Variants in RGS8 observed in about 807,000 individuals in gnomAD.
RGS8 encodes the protein regulator of G protein signaling 8, also known as regulator of G-protein signaling 8.
In RGS8, 8 loss-of-function variants were observed where a neutral mutation model predicts 21.7. That is an observed-to-expected ratio of 0.37 (90% CI 0.22 to 0.66). The LOEUF is 0.66. RGS8 is among the 30% of genes least tolerant of loss of function. The pLI is 0.59. For synonymous variants in RGS8, 80 were observed against 83.6 expected, an observed-to-expected ratio of 0.96 and a Z score of 0.24; for missense variants, 157 against 217.9, an observed-to-expected ratio of 0.72 and a Z score of 1.76.
At chr1:182,689,265 A>T (rs1313796844), upstream of RGS8, among the ~76,000 whole-genome samples, 3 of 36,828 alleles carry the variant, frequency 8.1e-5, no homozygotes, top group East Asian at 2.2e-3. Flanking sequence ...ACACACACAG[A>T]CACACACACA....
At chr1:182,679,178 C>A (rs1664462575) in intron 1 of RGS8, among the ~76,000 whole-genome samples, 1 of 152,026 alleles carries the variant, frequency 6.6e-6, no homozygotes, top group Admixed American at 6.6e-5. Flanking sequence ...TGGGAAACAC[C>A]CTTGGGTGTT....
upstream of RGS8, among the ~76,000 whole-genome samples, chr1:182,675,970 G>GA (rs111719829): frequency 1.3e-3 from 201 of 151,358 alleles, no homozygotes; most frequent in African/African-American, 4.5e-3. Context: ...TTGAGTTCGT[G>GA]AAAAAAAAAT....
chr1:182,692,205 A>G, the RGS8 span, among the ~76,000 whole-genome samples: 1 of 151,984 alleles, frequency 6.6e-6, no homozygotes. Flanking sequence ...GGCTTTCAGC[A>G]CGTTGGTCAG....
At chr1:182,668,942 C>T (rs1664014943) in intron 3 of RGS8, among the ~76,000 whole-genome samples, 2 of 152,124 alleles carry the variant, frequency 1.3e-5, no homozygotes, top group South Asian at 2.1e-4. Flanking sequence ...TTCCTTGTGC[C>T]TCAGGATCAT....
chr1:182,747,686 C>T, the RGS8 span, among the ~76,000 whole-genome samples: 74 of 152,252 alleles, frequency 4.9e-4, no homozygotes, highest in Non-Finnish European at 9.3e-4. Flanking sequence ...ATAGGCAACA[C>T]CATGCAGAAA....
intron 3 of RGS8, among the ~76,000 whole-genome samples, chr1:182,667,330 G>A (rs566247474): frequency 6.6e-5 from 10 of 152,288 alleles, no homozygotes; most frequent in African/African-American, 1.9e-4. Context: ...CCACAAGGAG[G>A]GCAAAGTAAC....
the RGS8 span, among the ~76,000 whole-genome samples, chr1:182,721,002 TATATAC>T: frequency 4.4e-4 from 45 of 101,884 alleles, 6 homozygotes; most frequent in African/African-American, 5.1e-4. Context: ...TATGTGTGTA[TATATAC>T]ATATATACAC....
chr1:182,729,572 A>T, the RGS8 span, among the ~76,000 whole-genome samples: 1 of 152,192 alleles, frequency 6.6e-6, no homozygotes, highest in Non-Finnish European at 1.5e-5. Flanking sequence ...AAGCATTATT[A>T]AAAAATATAG....
the RGS8 span, among the ~76,000 whole-genome samples, chr1:182,729,042 T>C: frequency 6.6e-6 from 1 of 152,204 alleles, no homozygotes; most frequent in African/African-American, 2.4e-5. Context: ...CTCTGGCAAG[T>C]GGAAATGGGG....
At chr1:182,647,129 G>C (rs1041043019) in intron 6 of RGS8, among the ~76,000 whole-genome samples, 1 of 152,210 alleles carries the variant, frequency 6.6e-6, no homozygotes, top group Non-Finnish European at 1.5e-5. Flanking sequence ...CCAATTTATA[G>C]ACAACAATAC....
At chr1:182,727,555 A>G in the RGS8 span, among the ~76,000 whole-genome samples, 1 of 152,244 alleles carries the variant, frequency 6.6e-6, no homozygotes, top group Non-Finnish European at 1.5e-5. Context: ...TGAACAACTC[A>G]TAACCTAAAT....
At chr1:182,681,564 C>T (rs948202487) in intron 1 of RGS8, among the ~76,000 whole-genome samples, 2 of 152,170 alleles carry the variant, frequency 1.3e-5, no homozygotes, top group Non-Finnish European at 2.9e-5. Context: ...GAGTGGGGTT[C>T]GGCCACAGCA....
chr1:182,670,719 T>C (rs1200943341), intron 2 of RGS8, among the ~76,000 whole-genome samples: 3 of 152,204 alleles, frequency 2.0e-5, no homozygotes. Flanking sequence ...AATAGCTTCT[T>C]TAATAATACT....
At chr1:182,647,743 T>C (rs1243119041) in intron 6 of RGS8, among the ~76,000 whole-genome samples, 1 of 152,220 alleles carries the variant, frequency 6.6e-6, no homozygotes, top group Non-Finnish European at 1.5e-5. Flanking sequence ...TTTAGTAACT[T>C]GACCAAGATC....
intron 1 of RGS8, among the ~76,000 whole-genome samples, chr1:182,678,067 A>C (rs1571354055): frequency 6.6e-6 from 1 of 152,264 alleles, no homozygotes; most frequent in East Asian, 1.9e-4. Context: ...TTAGATATTT[A>C]ATAGTATTAA....
chr1:182,674,161 C>T (rs1019551359), upstream of RGS8, among the ~76,000 whole-genome samples: 1 of 152,184 alleles, frequency 6.6e-6, no homozygotes, highest in Admixed American at 6.5e-5. Flanking sequence ...GGAACAAAGG[C>T]CTCCTCCAAA....
chr1:182,648,114 G>T (rs1486359176), intron 6 of RGS8, 23 bp downstream of exon 7: 8 of 1,580,230 alleles, frequency 5.1e-6, no homozygotes, highest in Non-Finnish European at 6.0e-6. Context: ...GGATAGACAG[G>T]ATGGTCGCCG....
the RGS8 span, chr1:182,712,816 T>G: frequency 6.6e-6 from 1 of 152,374 alleles, no homozygotes; most frequent in South Asian, 2.1e-4. Context: ...GACCTCATTC[T>G]GATCTCTCAG....
downstream of RGS8, chr1:182,643,363 A>T (rs2102399564): frequency 8.5e-6 from 1 of 117,826 alleles, no homozygotes; most frequent in Middle Eastern, 5.7e-3. Flanking sequence ...CACTCCTTAG[A>T]CTCAATGCTT....
Sources: allele counts gnomAD v4.1 joint callset (sites outside exome capture counted in the v4.1 genomes callset), GRCh38; gene constraint gnomAD v4.1.1; transcripts MANE v1.5; gene names NCBI Gene and HGNC (gene_info 2026-07-23, HGNC 2026-07-21).